Variants in PRSS55 observed in about 807,000 individuals in gnomAD.
PRSS55 encodes probable serine protease UNQ9391/PRO34284.
PRSS55 carries 41 observed loss-of-function variants against 23.6 expected under a neutral mutation model. The observed-to-expected ratio is 1.74, with a 90% CI of 1.35 to 2.26. The LOEUF (loss-of-function observed/expected upper bound fraction) is 2.26, where lower values mean the gene tolerates loss of function less well. PRSS55 is among the 30% of genes most tolerant of loss of function. The pLI is 0.00. For synonymous variants in PRSS55, 262 were observed against 175.5 expected (o/e 1.49, Z -3.90); for missense variants, 669 against 439.1 (o/e 1.52, Z -4.68).
chr8:10,551,633 C>T (rs557371248), intron 4 of PRSS55, among the ~76,000 whole-genome samples: 9 of 152,368 alleles, frequency 5.9e-5, no homozygotes, highest in African/African-American at 1.9e-4. Context: ...ACCCTGGCAA[C>T]GCTGACCGAT....
At chr8:10,542,414 C>CA (rs373640043), downstream of PRSS55, among the ~76,000 whole-genome samples, 5 of 79,762 alleles carry the variant, frequency 6.3e-5, no homozygotes, top group East Asian at 7.3e-4. Context: ...AAGCACCATG[C>CA]GGGGGAAAAA....
Position 10,538,784 on chromosome 8 carries a change from T to G in PRSS55, c.1050T>G (p.Ile350Met). 6.4e-7 allele frequency: 1 copy of G among 1,562,604 alleles called. No individual in the cohort carries two copies. The highest frequency in any genetic ancestry group is 1.2e-5 in the South Asian group (1 of 82,360). Residue 350 changes from isoleucine to methionine, a missense_variant, in exon 5 of 5, where the codon ATT becomes ATG. Ile to Met is a conservative substitution (Grantham distance 10). Transcript: ENST00000328655. ...TGTCCCATGTGTTGTTCAGAGCTAT[T>G]TTGTACTGATAATAAAATAGAGGCT... ...CPLSHVLFRA[I>M]LY
At chr8:10,529,784 G>C in intron 2 of PRSS55, 85 bp downstream of exon 2, 10 of 1,357,464 alleles carry the variant, frequency 7.4e-6, no homozygotes, top group Middle Eastern at 2.5e-4. Context: ...TGGTGGCTGA[G>C]AGGAACCTGC....
At chr8:10,549,145 C>T (rs1229199647) in intron 4 of PRSS55, among the ~76,000 whole-genome samples, 3 of 152,238 alleles carry the variant, frequency 2.0e-5, no homozygotes, top group Non-Finnish European at 2.9e-5. Flanking sequence ...TGGATGTAAA[C>T]GGATAGTCAC....
chr8:10,532,021 A>G (rs1812285254), intron 3 of PRSS55, among the ~76,000 whole-genome samples: 1 of 152,146 alleles, frequency 6.6e-6, no homozygotes, highest in Admixed American at 6.5e-5. Flanking sequence ...GTCTACTGGG[A>G]CAGAAAAATA....
Position 10,546,358 on chromosome 8 carries a change from G to A in PRSS55, c.742-7585G>A, listed in dbSNP as rs532156040. 3.3e-5 allele frequency among the ~76,000 whole-genome samples: 5 copies of A among 152,250 alleles called. No individual in the cohort carries two copies. In the East Asian group the frequency reaches 9.7e-4, roughly 29 times the overall value. The stretch of plus-strand genomic sequence containing the variant: ...GCCGCATGACCCCAGGGTTGCCACA[G>A]ACCCCTATAACCCTCAGCGCTAGCC... On this transcript the variant is annotated intron_variant, in intron 4 of 4. Transcript: ENST00000522210.
intron 4 of PRSS55, among the ~76,000 whole-genome samples, chr8:10,551,243 C>T (rs1380189039): frequency 1.3e-5 from 2 of 152,214 alleles, no homozygotes; most frequent in Non-Finnish European, 2.9e-5. Flanking sequence ...TCTTACTGAT[C>T]TCCTTATTTG....
intron 4 of PRSS55, among the ~76,000 whole-genome samples, chr8:10,536,758 G>A (rs756900345): frequency 2.6e-5 from 4 of 152,154 alleles, no homozygotes; most frequent in Admixed American, 2.6e-4. Flanking sequence ...GTGAATTAGT[G>A]CAGGAACAGA....
At chr8:10,533,355 T>G (rs1356779327) in intron 4 of PRSS55, among the ~76,000 whole-genome samples, 1 of 152,206 alleles carries the variant, frequency 6.6e-6, no homozygotes, top group African/African-American at 2.4e-5. Context: ...CAAGGAGGAT[T>G]TGGTATCTAT....
chr8:10,529,022 C>A (rs1186694666), intron 1 of PRSS55, among the ~76,000 whole-genome samples: 1 of 152,210 alleles, frequency 6.6e-6, no homozygotes, highest in African/African-American at 2.4e-5. Context: ...AAGCCAGCAT[C>A]ACGTTCCCAC....
chr8:10,539,450 T>C (rs1385366643), downstream of PRSS55, among the ~76,000 whole-genome samples: 1 of 152,240 alleles, frequency 6.6e-6, no homozygotes, highest in Non-Finnish European at 1.5e-5. Context: ...ATGCTCACCC[T>C]ACCTTAAAGA....
chr8:10,525,849 A>T (rs78620559), intron 1 of PRSS55, 110 bp downstream of exon 1: 79,980 of 1,144,258 alleles, frequency 0.07, 3,304 homozygotes, highest in Non-Finnish European at 0.08. Flanking sequence ...CTCCCCACAT[A>T]CCCCTTCTCC....
exon 5 of PRSS55, chr8:10,554,103 T>C (rs1813010351): frequency 1.0e-6 from 1 of 967,882 alleles, no homozygotes. Context: ...AGCCTTGAGT[T>C]GAAAATCTTT....
chr8:10,533,845 A>T (rs554121914), intron 4 of PRSS55, among the ~76,000 whole-genome samples: 3 of 152,204 alleles, frequency 2.0e-5, no homozygotes, highest in Non-Finnish European at 4.4e-5. Context: ...AGGCTGCCCC[A>T]TGGAAAAGAA....
At position 10,535,959 on chromosome 8, in the gene PRSS55, G is replaced by A. The variant is rs892350593; in HGVS notation, c.742-2517G>A. On this transcript the variant is annotated intron_variant, in intron 4 of 4. Coordinates refer to ENST00000328655, the MANE Select transcript of PRSS55 (RefSeq NM_198464.4). ...CCCAGCACTGTGGGACGCCAAGACC[G>A]GCGGATCACGAGGTCAGGAGATCAA... Among the ~76,000 whole-genome samples, 13 of 152,198 alleles carry A rather than the reference G, an allele frequency of 8.5e-5. 1 individual carries two copies. Among genetic ancestry groups the A allele is most frequent in the South Asian group, 2.1e-4 (1 of 4,830 alleles).
intron 1 of PRSS55, among the ~76,000 whole-genome samples, chr8:10,527,001 G>C (rs1337477731): frequency 2.0e-5 from 3 of 152,206 alleles, no homozygotes; most frequent in East Asian, 3.8e-4. Flanking sequence ...CAGAGAGACA[G>C]AGGGCACCCA....
downstream of PRSS55, among the ~76,000 whole-genome samples, chr8:10,541,873 C>G (rs1035513034): frequency 6.6e-6 from 1 of 152,164 alleles, no homozygotes; most frequent in East Asian, 1.9e-4. Context: ...AACTCAGCCT[C>G]TCTAATAGCT....
At chr8:10,534,398 C>T (rs1812383874) in intron 4 of PRSS55, among the ~76,000 whole-genome samples, 2 of 152,154 alleles carry the variant, frequency 1.3e-5, no homozygotes, top group South Asian at 4.1e-4. Context: ...TGTTATAATA[C>T]TCCATTTACT....
intron 4 of PRSS55, among the ~76,000 whole-genome samples, chr8:10,547,068 T>A (rs2117078874): frequency 6.6e-6 from 1 of 152,308 alleles, no homozygotes; most frequent in South Asian, 2.1e-4. Context: ...GTGGGCAGGC[T>A]GGAAGACCAC....
Sources: gnomAD v4.1 joint callset for allele counts (sites outside exome capture counted in the v4.1 genomes callset) on GRCh38, gnomAD v4.1.1 for gene constraint, MANE v1.5 for transcripts, NCBI Gene and HGNC (gene_info 2026-07-23, HGNC 2026-07-21) for gene names.